C4orf51: variants seen among roughly 807,000 people sequenced by gnomAD.
C4orf51 encodes uncharacterized protein C4orf51.
Under a neutral mutation model 25.2 loss-of-function variants are expected in C4orf51, and 25 were observed. The ratio of observed to expected loss-of-function variants is 0.99; its 90% CI spans 0.72 to 1.39. The LOEUF (loss-of-function observed/expected upper bound fraction) is 1.39, where lower values mean the gene tolerates loss of function less well. Ranked by LOEUF, C4orf51 falls within the 40% of genes most tolerant of loss-of-function variation. The probability of loss-of-function intolerance (pLI) is 0.00; values close to 1 mark genes in which losing one functional copy is unlikely to be tolerated. For missense variants in C4orf51, 252 were observed against 239.6 expected (o/e 1.05, Z -0.34); for synonymous variants, 100 against 84.5 (o/e 1.18, Z -1.01).
the C4orf51 span, among the ~76,000 whole-genome samples, chr4:145,788,643 A>C: frequency 6.6e-6 from 1 of 152,186 alleles, no homozygotes; most frequent in Non-Finnish European, 1.5e-5. Flanking sequence ...ACCTAATTTT[A>C]TATTACAACA....
rs1429783657 is a variant in C4orf51 at position 145,760,722 on chromosome 4, T to G, written n.167-10266T>G. On this transcript the variant is annotated intron_variant and non_coding_transcript_variant, in intron 1 of 1. Transcript: ENST00000510096. ...TGGGGTTGTGTTTAAGTTTTGTGGTTTTTTTTTTTTTTTTTGTCTTTTGTC... is the reference window on the plus strand; with the variant it reads ...TGGGGTTGTGTTTAAGTTTTGTGGTGTTTTTTTTTTTTTTTGTCTTTTGTC... 55 of 155,454 alleles carry G rather than the reference T, an allele frequency of 3.5e-4. No individual in the cohort carries two copies. The Admixed American group carries it at 6.8e-3, about 19-fold the overall frequency. The allele number at this position is 155,454 out of a possible 1,614,324, so 9.6% of individuals were successfully genotyped here.
At chr4:145,727,944 T>TTA (rs138698945) in intron 3 of C4orf51, among the ~76,000 whole-genome samples, 56,861 of 117,182 alleles carry the variant, frequency 0.49, 15,702 homozygotes, top group African/African-American at 0.73. Flanking sequence ...TATATATACA[T>TTA]TATATATAAT....
Position 145,680,350 on chromosome 4 carries a change from A to G in C4orf51, c.147A>G (p.Thr49=), listed in dbSNP as rs1173505407. 9 of 1,613,996 alleles carry G rather than the reference A, an allele frequency of 5.6e-6. No individual in the cohort carries two copies. The highest frequency in any genetic ancestry group is 7.6e-6 in the Non-Finnish European group (9 of 1,179,866). Residue 49 remains threonine, a synonymous_variant, in exon 1 of 6, where the codon ACA becomes ACG. Coordinates refer to ENST00000438731, the MANE Select transcript of C4orf51 (RefSeq NM_001080531.3). ...RWSDSSVTTY[T]GSYRKKQLDK... ...CAGATTCTTCCGTGACAACATACAC[A>G]GGCAGTTACCGGAAAAAACAACTGG... is the stretch of plus-strand genomic sequence containing the variant.
At chr4:145,742,731 G>A (rs1050649279) in intron 1 of C4orf51, among the ~76,000 whole-genome samples, 64 of 151,720 alleles carry the variant, frequency 4.2e-4, no homozygotes, top group African/African-American at 1.5e-3. Context: ...TAGTAGAGAC[G>A]GGGTTTCACC....
At chr4:145,731,433 A>ACT (rs1194130444) in intron 5 of C4orf51, among the ~76,000 whole-genome samples, 1 of 152,120 alleles carries the variant, frequency 6.6e-6, no homozygotes, top group African/African-American at 2.4e-5. Context: ...GCAATAACAG[A>ACT]CTAAAAGTAC....
intron 2 of C4orf51, among the ~76,000 whole-genome samples, chr4:145,700,998 A>T (rs1730401345): frequency 6.6e-6 from 1 of 152,004 alleles, no homozygotes; most frequent in African/African-American, 2.4e-5. Flanking sequence ...CTTTACCCCA[A>T]ATCAGAAGGG....
At chr4:145,752,071 G>C (rs910190526) in intron 1 of C4orf51, among the ~76,000 whole-genome samples, 1 of 152,150 alleles carries the variant, frequency 6.6e-6, no homozygotes, top group Non-Finnish European at 1.5e-5. Context: ...GCCCAGGGCA[G>C]GTCCAGAAAT....
downstream of C4orf51, among the ~76,000 whole-genome samples, chr4:145,734,755 T>C (rs1732710589): frequency 6.6e-6 from 1 of 152,212 alleles, no homozygotes; most frequent in Non-Finnish European, 1.5e-5. Context: ...GCAAAGAGCT[T>C]GGACTGACAG....
At chr4:145,695,998 C>T (rs1036922492) in intron 1 of C4orf51, among the ~76,000 whole-genome samples, 5 of 152,136 alleles carry the variant, frequency 3.3e-5, no homozygotes, top group Non-Finnish European at 7.3e-5. Flanking sequence ...ACAACATGGC[C>T]AGGCGCAGTG....
In C4orf51 at chr4:145,686,741, T is replaced by A. The variant is rs192529860; in HGVS notation, c.233+6305T>A. On this transcript the variant is annotated intron_variant, in intron 1 of 5. Transcript: ENST00000438731. Reference sequence around the variant, plus strand: ...TGAGAGCAATGCTGGTTACTACATTTGTTTGATCATGAAAATGATAAGTTC... The same window carrying A: ...TGAGAGCAATGCTGGTTACTACATTAGTTTGATCATGAAAATGATAAGTTC... Among the ~76,000 whole-genome samples, 523 of 152,334 alleles carry A rather than the reference T, an allele frequency of 3.4e-3. 3 individuals carry two copies. Among genetic ancestry groups the A allele is most frequent in the Non-Finnish European group, 6.1e-3 (412 of 68,020 alleles).
In C4orf51 at chr4:145,710,565, CAT is replaced by C. The variant is rs1731076530; in HGVS notation, c.307+13937_307+13938del. 2.0e-5 allele frequency among the ~76,000 whole-genome samples: 3 copies of C among 152,162 alleles called. No homozygotes were observed. In the South Asian group the frequency reaches 6.2e-4, roughly 32 times the overall value. On this transcript the variant is annotated intron_variant, in intron 2 of 5. Transcript: ENST00000438731. Reference sequence around the variant, plus strand: ...TACCAGTCAAATGTCCCTAGAAGGTCATATACCAGTTAAACTCTGCCATTTTG... The same window carrying C: ...TACCAGTCAAATGTCCCTAGAAGGTCATACCAGTTAAACTCTGCCATTTTG...
the C4orf51 span, among the ~76,000 whole-genome samples, chr4:145,789,320 A>G: frequency 6.6e-6 from 1 of 152,222 alleles, no homozygotes; most frequent in Non-Finnish European, 1.5e-5. Flanking sequence ...AAAGACTTAA[A>G]GTGCATAAAT....
At chr4:145,700,707 G>T (rs188321443) in intron 2 of C4orf51, among the ~76,000 whole-genome samples, 9 of 151,854 alleles carry the variant, frequency 5.9e-5, no homozygotes, top group Non-Finnish European at 1.2e-4. Context: ...CTTCCTTCCC[G>T]CCTGTCCCCT....
At chr4:145,784,527 G>A in the C4orf51 span, among the ~76,000 whole-genome samples, 1 of 152,086 alleles carries the variant, frequency 6.6e-6, no homozygotes, top group Non-Finnish European at 1.5e-5. Context: ...TGTACACCCA[G>A]CTGAACACAT....
At chr4:145,729,791 T>C in intron 4 of C4orf51, 101 bp from the exon 5 acceptor site, 2 of 922,730 alleles carry the variant, frequency 2.2e-6, no homozygotes, top group Non-Finnish European at 3.5e-6. Context: ...AAGGTTTGGA[T>C]CTATTGATTT....
At chr4:145,774,458 T>G, downstream of C4orf51, 1 of 1,573,242 alleles carries the variant, frequency 6.4e-7, no homozygotes, top group Non-Finnish European at 8.7e-7. Flanking sequence ...TGCTCTGGGG[T>G]GCAGGGGATG....
Position 145,750,095 on chromosome 4 carries a change from G to C in C4orf51, n.168-4112G>C, listed in dbSNP as rs1733590425. Among the ~76,000 whole-genome samples, 4 of 152,010 alleles carry C rather than the reference G, an allele frequency of 2.6e-5. No individual in the cohort carries two copies. In the South Asian group the frequency reaches 6.2e-4, roughly 24 times the overall value. The stretch of plus-strand genomic sequence containing the variant: ...TTCTATATTATCTATGTCTTGAAAA[G>C]TTGTTGTAGTTATTATTTTTAATTG... On this transcript the variant is annotated intron_variant and non_coding_transcript_variant, in intron 1 of 1. Coordinates refer to the C4orf51 transcript ENST00000508981.
chr4:145,697,045 CAA>C lies in C4orf51; in HGVS notation c.307+416_307+417del, dbSNP rs112735333. ...GAGGACTCGGTCTGAAAAAACAAAA[CAA>C]AACCAACCAACCAACCAAACAAACA... On this transcript the variant is annotated intron_variant, in intron 2 of 5. Transcript: ENST00000438731. Among the ~76,000 whole-genome samples, 316 of 106,004 alleles carry C rather than the reference CAA, an allele frequency of 3.0e-3. 1 individual carries two copies. The highest frequency in any genetic ancestry group is 4.5e-3 in the Non-Finnish European group (225 of 49,688). 69.5% of individuals were successfully genotyped at this position (106,004 alleles called of 152,430 possible).
At chr4:145,764,557 G>C (rs1340682154) in intron 1 of C4orf51, 1 of 179,510 alleles carries the variant, frequency 5.6e-6, no homozygotes, top group Non-Finnish European at 1.2e-5. Context: ...ATTTTGGAGG[G>C]TGGGGTGGTT....
Sources: gnomAD v4.1 joint callset for allele counts (sites outside exome capture counted in the v4.1 genomes callset) on GRCh38, gnomAD v4.1.1 for gene constraint, MANE v1.5 for transcripts, NCBI Gene and HGNC (gene_info 2026-07-23, HGNC 2026-07-21) for gene names.